The following SAMD5 variants were observed in gnomAD, a reference collection of about 807,000 sequenced individuals.
The protein encoded by SAMD5 is sterile alpha motif domain-containing protein 5.
Under a neutral mutation model 11.3 loss-of-function variants are expected in SAMD5, and 13 were observed. That is an observed-to-expected ratio of 1.15 (90% CI 0.75 to 1.83). SAMD5 has a LOEUF of 1.83. Ranked by LOEUF, SAMD5 falls within the 40% of genes most tolerant of loss-of-function variation. The pLI is 0.00. For missense variants in SAMD5, 255 were observed against 239.1 expected (o/e 1.07, Z -0.44); for synonymous variants, 129 against 111.3 (o/e 1.16, Z -1.00).
chr6:147,632,002 G>C (rs1194046680), intron 1 of SAMD5, among the ~76,000 whole-genome samples: 1 of 152,182 alleles, frequency 6.6e-6, no homozygotes, highest in Non-Finnish European at 1.5e-5. Flanking sequence ...TATTTTCCTT[G>C]GTCCAAGAAC....
rs1338721227 is a variant in SAMD5, at chr6:147,566,555, G to A, written c.*2099G>A. 2.0e-6 allele frequency: 2 copies of A among 983,966 alleles called. No homozygotes were observed. Among genetic ancestry groups the A allele is most frequent in the Non-Finnish European group, 2.4e-6 (2 of 828,450 alleles). 61.0% of individuals were successfully genotyped at this position (983,966 alleles called of 1,614,324 possible). ...GCCTTATGAGGCAATCTACTGCAATGGAAAAAGGGTTCCTTGGTCATTTCA... is the reference window on the plus strand; with the variant it reads ...GCCTTATGAGGCAATCTACTGCAATAGAAAAAGGGTTCCTTGGTCATTTCA... On this transcript the variant is annotated 3_prime_UTR_variant, in exon 2 of 2. Coordinates refer to ENST00000367474, the MANE Select transcript of SAMD5 (RefSeq NM_001030060.3).
At chr6:147,839,141 C>T in the SAMD5 span, among the ~76,000 whole-genome samples, 2 of 152,206 alleles carry the variant, frequency 1.3e-5, no homozygotes, top group Non-Finnish European at 2.9e-5. Context: ...TTCTGTGCTA[C>T]ACTCACCTAC....
intron 1 of SAMD5, among the ~76,000 whole-genome samples, chr6:147,673,907 G>T (rs936991703): frequency 6.6e-6 from 1 of 152,112 alleles, no homozygotes; most frequent in African/African-American, 2.4e-5. Flanking sequence ...TAATGGGTTA[G>T]AGGTCTTCAG....
chr6:147,856,735 C>T, the SAMD5 span, among the ~76,000 whole-genome samples: 2 of 150,756 alleles, frequency 1.3e-5, no homozygotes, highest in Non-Finnish European at 2.9e-5. Context: ...TCCTTTTAAC[C>T]GTCAGCAGTC....
intron 1 of SAMD5, among the ~76,000 whole-genome samples, chr6:147,604,282 G>T (rs147203937): frequency 1.2e-4 from 18 of 151,632 alleles, no homozygotes; most frequent in African/African-American, 3.6e-4. Flanking sequence ...TCAGTGAAAA[G>T]TCTCATTTTT....
downstream of SAMD5, among the ~76,000 whole-genome samples, chr6:147,738,578 A>G (rs1314033724): frequency 1.3e-5 from 2 of 152,262 alleles, no homozygotes; most frequent in Admixed American, 6.5e-5. Context: ...CATATTTTAT[A>G]TAAACTAGTG....
At chr6:147,685,471 C>T (rs1432060252) in intron 1 of SAMD5, among the ~76,000 whole-genome samples, 3 of 152,198 alleles carry the variant, frequency 2.0e-5, no homozygotes, top group South Asian at 2.1e-4. Context: ...CTACACCCAG[C>T]CAGTTCCTTT....
chr6:147,672,449 T>C (rs181264557), intron 1 of SAMD5, among the ~76,000 whole-genome samples: 2 of 152,198 alleles, frequency 1.3e-5, no homozygotes, highest in African/African-American at 4.8e-5. Context: ...GCAACATGAA[T>C]ATTTTTTCAC....
intron 1 of SAMD5, among the ~76,000 whole-genome samples, chr6:147,718,097 A>C (rs973772106): frequency 6.6e-6 from 1 of 152,184 alleles, no homozygotes; most frequent in African/African-American, 2.4e-5. Context: ...CTATAACAAA[A>C]TTACTTTCAA....
At chr6:147,779,898 G>T in the SAMD5 span, among the ~76,000 whole-genome samples, 1 of 152,158 alleles carries the variant, frequency 6.6e-6, no homozygotes, top group Non-Finnish European at 1.5e-5. Flanking sequence ...CCATAGAGTA[G>T]GCCTATAGTC....
rs1424146560 is a variant in SAMD5, at chr6:147,620,102, A to G, written c.162+110715A>G. Among the ~76,000 whole-genome samples the G allele has an allele frequency of 6.9e-4, 105 of 152,310 alleles. 1 individual carries two copies. The East Asian group carries it at 0.02, about 29-fold the overall frequency. ...AGCCCTTGTGGGAATGAGCAATGAC[A>G]CTGTTCTTGGCATCACAGTGCCCTT... On this transcript the variant is annotated intron_variant, in intron 1 of 1. Coordinates refer to the SAMD5 transcript ENST00000566741.
chr6:147,601,282 G>A (rs1233367075), intron 1 of SAMD5, among the ~76,000 whole-genome samples: 1 of 151,896 alleles, frequency 6.6e-6, no homozygotes, highest in Non-Finnish European at 1.5e-5. Context: ...TCTCCCATAT[G>A]AGTTTATAGA....
At chr6:147,815,888 A>C in the SAMD5 span, among the ~76,000 whole-genome samples, 1 of 152,126 alleles carries the variant, frequency 6.6e-6, no homozygotes, top group Admixed American at 6.5e-5. Context: ...GATTCCAAAA[A>C]TGAGTATACT....
chr6:147,885,306 A>AT, the SAMD5 span, among the ~76,000 whole-genome samples: 194 of 152,076 alleles, frequency 1.3e-3, no homozygotes, highest in African/African-American at 4.4e-3. Flanking sequence ...ATCCACAACA[A>AT]TTTTTTTTAA....
the SAMD5 span, among the ~76,000 whole-genome samples, chr6:147,835,675 C>T: frequency 2.6e-5 from 4 of 152,092 alleles, no homozygotes; most frequent in East Asian, 5.8e-4. Flanking sequence ...GCAGCTGAGC[C>T]GACAGCCCCC....
the SAMD5 span, among the ~76,000 whole-genome samples, chr6:147,785,411 C>T: frequency 6.6e-6 from 1 of 152,128 alleles, no homozygotes; most frequent in Non-Finnish European, 1.5e-5. Context: ...TGGTAGGGAC[C>T]ACATCTTACT....
chr6:147,929,694 A>T, the SAMD5 span, among the ~76,000 whole-genome samples: 1 of 152,170 alleles, frequency 6.6e-6, no homozygotes, highest in Non-Finnish European at 1.5e-5. Context: ...CAGTTGGGTT[A>T]TGTTGGCAAC....
chr6:147,601,468 C>G (rs953045796), intron 1 of SAMD5, among the ~76,000 whole-genome samples: 1 of 150,984 alleles, frequency 6.6e-6, no homozygotes, highest in Non-Finnish European at 1.5e-5. Context: ...TTGTATCTGA[C>G]TGTAACTTGT....
chr6:147,696,211 C>A (rs1242421300), intron 1 of SAMD5, among the ~76,000 whole-genome samples: 1 of 152,158 alleles, frequency 6.6e-6, no homozygotes, highest in Non-Finnish European at 1.5e-5. Context: ...GCCCCTTCCA[C>A]CCTCCAAACT....
Sources: gnomAD v4.1 joint callset for allele counts (sites outside exome capture counted in the v4.1 genomes callset) on GRCh38, gnomAD v4.1.1 for gene constraint, MANE v1.5 for transcripts, NCBI Gene and HGNC (gene_info 2026-07-23, HGNC 2026-07-21) for gene names.